PHKG2: variants seen among roughly 807,000 people sequenced by gnomAD.
PHKG2 encodes the protein phosphorylase b kinase gamma catalytic chain, liver/testis isoform.
A neutral mutation model predicts 44.5 loss-of-function variants in PHKG2; 28 were observed. The observed-to-expected ratio is 0.63, with a 90% confidence interval of 0.47 to 0.86. PHKG2 has a LOEUF of 0.86. PHKG2 is among the 40% of genes least tolerant of loss of function. PHKG2 has a pLI of 0.00. For missense variants in PHKG2, 498 were observed against 547.5 expected (o/e 0.91, Z 0.90); for synonymous variants, 220 against 211.2 (o/e 1.04, Z -0.36).
Position 30,753,567 on chromosome 16 carries a change from T to C in PHKG2, c.556+10T>C. The stretch of plus-strand genomic sequence containing the variant: ...GGCGAGAAGCTTCGAGGTGAGGGGA[T>C]CTAGTGCCCTAATAGGCTTGGGAGG... On this transcript the variant is annotated intron_variant, in intron 6 of 9. Coordinates refer to ENST00000563588, the MANE Select transcript of PHKG2 (RefSeq NM_000294.3). 1 of 1,613,594 alleles carries C rather than the reference T, an allele frequency of 6.2e-7. No individual in the cohort carries two copies. The highest frequency in any genetic ancestry group is 1.1e-5 in the South Asian group (1 of 91,076).
rs1218137512 is a variant in PHKG2, at chr16:30,758,724, T to G, written c.*1627T>G. On this transcript the variant is annotated 3_prime_UTR_variant, in exon 10 of 10. Coordinates refer to ENST00000563588, the MANE Select transcript of PHKG2 (RefSeq NM_000294.3). ...GCGCGCACCACCATGCCTGGCTATT[T>G]TTTGTATTTTAGTAGATAGGGGGTT... 2 of 416,108 alleles carry G rather than the reference T, an allele frequency of 4.8e-6. No individual in the cohort carries two copies. The highest frequency in any genetic ancestry group is 2.4e-5 in the South Asian group (1 of 42,244). The allele number at this position is 416,108 out of a possible 1,614,324, so 25.8% of individuals were successfully genotyped here.
Position 30,758,722 on chromosome 16 carries a change from T to G in PHKG2, c.*1625T>G. 2.4e-6 allele frequency: 1 copy of G among 416,436 alleles called. No individual in the cohort carries two copies. Among genetic ancestry groups the G allele is most frequent in the Non-Finnish European group, 4.4e-6 (1 of 227,428 alleles). 25.8% of individuals were successfully genotyped at this position (416,436 alleles called of 1,614,324 possible). On this transcript the variant is annotated 3_prime_UTR_variant, in exon 10 of 10. Transcript: ENST00000563588. The stretch of plus-strand genomic sequence containing the variant: ...AAGCGCGCACCACCATGCCTGGCTA[T>G]TTTTTGTATTTTAGTAGATAGGGGG...
chr16:30,759,029 G>A lies in PHKG2; in HGVS notation c.*1932G>A. 6.2e-7 allele frequency: 1 copy of A among 1,614,172 alleles called. No homozygotes were observed. On this transcript the variant is annotated 3_prime_UTR_variant, in exon 10 of 10. Coordinates refer to ENST00000563588, the MANE Select transcript of PHKG2 (RefSeq NM_000294.3). ...ATCCTCACTTGGCTCTGGCTCTGGT[G>A]GGGCCACTGTCTCTAGTTCCTCTTT...
rs138416154 is a variant in PHKG2 at position 30,751,601 on chromosome 16, C to T, written c.324C>T (p.Asp108=). 3,649 of 1,612,612 alleles carry T rather than the reference C, an allele frequency of 2.3e-3. 15 individuals carry two copies. The highest frequency in any genetic ancestry group is 2.0e-3 in the Non-Finnish European group (2,347 of 1,178,584). The change falls in exon 4 of 10, where the codon GAC becomes GAT. Residue 108 remains aspartate, a splice_region_variant and synonymous_variant. Transcript: ENST00000563588. ...CTAGCTTCATGTTCCTGGTGTTTGA[C>T]CTGTGAGTATCTCCCTGCCACCATC... ...ESSSFMFLVF[D]LMRKGELFDY... is the part of the protein sequence containing the mutation.
Position 30,758,991 on chromosome 16 carries a change from C to T in PHKG2, c.*1894C>T. 1.2e-6 allele frequency: 2 copies of T among 1,614,010 alleles called. No individual in the cohort carries two copies. The highest frequency in any genetic ancestry group is 1.7e-6 in the Non-Finnish European group (2 of 1,179,940). On this transcript the variant is annotated 3_prime_UTR_variant, in exon 10 of 10. Transcript: ENST00000563588. ...CACCTGCTCAGAGGGACAGGGCAGC[C>T]TGCCCTCTCCAGATCCTCACTTGGC... is the stretch of plus-strand genomic sequence containing the variant.
chr16:30,753,341 A>C (rs761408369), intron 5 of PHKG2, 44 bp downstream of exon 5: 1 of 1,613,672 alleles, frequency 6.2e-7, no homozygotes, highest in Non-Finnish European at 8.5e-7. Context: ...AGGGGGTGGG[A>C]CAGGGCAGGG....
chr16:30,749,204 G>GGTGTGTGT (rs147345160), intron 2 of PHKG2, among the ~76,000 whole-genome samples: 7 of 91,950 alleles, frequency 7.6e-5, no homozygotes, highest in African/African-American at 1.4e-4. Context: ...TGCTGGTGGT[G>GGTGTGTGT]GTGTGTGTGT....
chr16:30,751,723 C>T, intron 4 of PHKG2, 120 bp downstream of exon 4: 1 of 886,544 alleles, frequency 1.1e-6, no homozygotes. Flanking sequence ...AGCTGGGGCT[C>T]TCTATCACCT....
chr16:30,756,973 A>G lies in PHKG2; in HGVS notation c.1097A>G (p.Glu366Gly). 6.2e-7 allele frequency: 1 copy of G among 1,612,780 alleles called. No homozygotes were observed. Among genetic ancestry groups the G allele is most frequent in the Non-Finnish European group, 8.5e-7 (1 of 1,179,998 alleles). ...RLYGHWVKKG[E>G]QQNRAALFQH... ...TACGGGCACTGGGTAAAGAAAGGGG[A>G]GCAGCAGAACCGGGCGGCTCTCTTT... Residue 366 changes from glutamate to glycine, a missense_variant, in exon 10 of 10, where the codon GAG becomes GGG. By Grantham distance (98) the Glu-to-Gly change is moderately conservative. Transcript: ENST00000563588.
At chr16:30,751,354 C>T in intron 3 of PHKG2, 73 bp downstream of exon 3, 1 of 1,514,920 alleles carries the variant, frequency 6.6e-7, no homozygotes. Flanking sequence ...TAGCCCACTT[C>T]CGCCAACATT....
chr16:30,749,179 T>G, intron 2 of PHKG2, among the ~76,000 whole-genome samples: 1 of 126,278 alleles, frequency 7.9e-6, no homozygotes, highest in Non-Finnish European at 1.6e-5. Flanking sequence ...GTGCTGGTGG[T>G]GGTGCTGGTG....
At position 30,760,469 on chromosome 16, in the gene PHKG2, G is replaced by A; in HGVS notation, c.*3372G>A. 1 of 1,613,346 alleles carries A rather than the reference G, an allele frequency of 6.2e-7. No individual in the cohort carries two copies. The highest frequency in any genetic ancestry group is 1.3e-5 in the African/African-American group (1 of 75,006). ...AGCCAGCACCCTTGGGAGGGAGAGA[G>A]GAGTGAGTGACAACTGGGCCTCCTT... On this transcript the variant is annotated 3_prime_UTR_variant, in exon 10 of 10. Transcript: ENST00000563588.
intron 2 of PHKG2, among the ~76,000 whole-genome samples, chr16:30,749,982 A>G (rs2053323985): frequency 6.6e-6 from 1 of 152,052 alleles, no homozygotes; most frequent in Non-Finnish European, 1.5e-5. Flanking sequence ...GGTCTTTAAA[A>G]TCGCAAAAAT....
Position 30,756,972 on chromosome 16 carries a change from G to A in PHKG2, c.1096G>A (p.Glu366Lys). The A allele has an allele frequency of 1.2e-6, 2 of 1,612,890 alleles. No homozygotes were observed. Among genetic ancestry groups the A allele is most frequent in the Non-Finnish European group, 1.7e-6 (2 of 1,180,016 alleles). ...CTACGGGCACTGGGTAAAGAAAGGG[G>A]AGCAGCAGAACCGGGCGGCTCTCTT... The part of the protein sequence containing the change: ...RLYGHWVKKG[E>K]QQNRAALFQH... Residue 366 changes from glutamate to lysine, a missense_variant, in exon 10 of 10, where the codon GAG becomes AAG. Transcript: ENST00000563588.
At position 30,760,708 on chromosome 16, in the gene PHKG2, C is replaced by G; in HGVS notation, c.*3611C>G. The stretch of plus-strand genomic sequence containing the variant: ...GAAAAAGAGTATTGGTGGCCGTTAC[C>G]TATCATGACAAGGCTGTGACAGCTA... On this transcript the variant is annotated 3_prime_UTR_variant, in exon 10 of 10. Coordinates refer to ENST00000563588, the MANE Select transcript of PHKG2 (RefSeq NM_000294.3). 6.5e-7 allele frequency: 1 copy of G among 1,538,158 alleles called. No homozygotes were observed. The highest frequency in any genetic ancestry group is 8.8e-7 in the Non-Finnish European group (1 of 1,134,892).
intron 6 of PHKG2, among the ~76,000 whole-genome samples, chr16:30,754,328 G>A (rs938608094): frequency 6.6e-6 from 1 of 151,996 alleles, no homozygotes; most frequent in African/African-American, 2.4e-5. Flanking sequence ...ACTACGCCTG[G>A]CTCATTTTTG....
At chr16:30,750,357 G>A (rs1271514022) in intron 2 of PHKG2, among the ~76,000 whole-genome samples, 3 of 152,214 alleles carry the variant, frequency 2.0e-5, no homozygotes, top group African/African-American at 7.2e-5. Flanking sequence ...AGGCCCCAGA[G>A]AGCATAACAG....
In PHKG2 at chr16:30,759,705, C is replaced by T. The variant is rs1394817933; in HGVS notation, c.*2608C>T. On this transcript the variant is annotated 3_prime_UTR_variant, in exon 10 of 10. Transcript: ENST00000563588. ...TGGTGAAGTAGCGGTAGCACTCCTCCACGTTGCCCAAGGGGGTTGCTGGTA... is the reference window on the plus strand; with the variant it reads ...TGGTGAAGTAGCGGTAGCACTCCTCTACGTTGCCCAAGGGGGTTGCTGGTA... 3.7e-6 allele frequency: 6 copies of T among 1,612,442 alleles called. No homozygotes were observed. Among genetic ancestry groups the T allele is most frequent in the South Asian group, 1.1e-5 (1 of 90,938 alleles).
rs764799196 is a variant in PHKG2 at position 30,759,725 on chromosome 16, C to T, written c.*2628C>T. ...TCCTCCACGTTGCCCAAGGGGGTTG[C>T]TGGTAGGGAAAGCAAGATGCAGCAG... On this transcript the variant is annotated 3_prime_UTR_variant, in exon 10 of 10. Coordinates refer to ENST00000563588, the MANE Select transcript of PHKG2 (RefSeq NM_000294.3). The T allele has an allele frequency of 1.2e-6, 2 of 1,605,976 alleles. No homozygotes were observed. The highest frequency in any genetic ancestry group is 8.5e-7 in the Non-Finnish European group (1 of 1,175,546).
Sources: gnomAD v4.1 joint callset for allele counts (sites outside exome capture counted in the v4.1 genomes callset) on GRCh38, gnomAD v4.1.1 for gene constraint, MANE v1.5 for transcripts, NCBI Gene and HGNC (gene_info 2026-07-23, HGNC 2026-07-21) for gene names.